COL24A1: variants seen among roughly 807,000 people sequenced by gnomAD.
COL24A1 encodes the protein collagen type XXIV alpha 1 chain, also known as collagen alpha-1(XXIV) chain.
A neutral mutation model predicts 253.9 loss-of-function variants in COL24A1; 224 were observed. The ratio of observed to expected loss-of-function variants is 0.88; its 90% confidence interval spans 0.79 to 0.99. The LOEUF (loss-of-function observed/expected upper bound fraction) is 0.99. COL24A1 is among the 50% of genes least tolerant of loss of function. The pLI, the probability that COL24A1 is intolerant of heterozygous loss-of-function variation, is 0.00. For synonymous variants in COL24A1, 685 were observed against 673.7 expected (o/e 1.02, Z -0.26); for missense variants, 2,131 against 2,068.5 (o/e 1.03, Z -0.59).
rs750117353 is a variant in COL24A1 at position 86,156,382 on chromosome 1, G to T, written c.15C>A (p.Ala5=). 1.2e-6 allele frequency: 2 copies of T among 1,612,654 alleles called. No individual in the cohort carries two copies. The highest frequency in any genetic ancestry group is 1.7e-6 in the Non-Finnish European group (2 of 1,179,420). The change falls in exon 1 of 60, where the codon GCC becomes GCA. Residue 5 remains alanine, a synonymous_variant. Coordinates refer to ENST00000370571, the MANE Select transcript of COL24A1 (RefSeq NM_152890.7). ...AGACTTTTCCACGCCTTGTTCTGTG[G>T]GCTCTTAAATGCATTTGTATGCATT... is the stretch of plus-strand genomic sequence containing the variant. The part of the protein sequence containing the change: MHLR[A]HRTRRGKVSP...
chr1:85,792,991 G>A (rs1670448691), intron 47 of COL24A1, among the ~76,000 whole-genome samples: 1 of 152,070 alleles, frequency 6.6e-6, no homozygotes, highest in Admixed American at 6.6e-5. Flanking sequence ...ACAGACTAAA[G>A]CCATTTCTGT....
chr1:86,033,663 TTA>T (rs199815720), intron 13 of COL24A1, among the ~76,000 whole-genome samples: 1,574 of 151,012 alleles, frequency 0.01, 30 homozygotes, highest in African/African-American at 0.037. Flanking sequence ...AATAATTAAT[TTA>T]AAGATTGAAT....
At chr1:86,077,555 A>G (rs1702340094) in intron 7 of COL24A1, among the ~76,000 whole-genome samples, 1 of 152,192 alleles carries the variant, frequency 6.6e-6, no homozygotes, top group Non-Finnish European at 1.5e-5. Context: ...TTATTGCAGC[A>G]CTATTCACAA....
At chr1:85,786,604 A>G (rs539917920) in intron 47 of COL24A1, 143 bp from the exon 48 acceptor site, 8 of 516,462 alleles carry the variant, frequency 1.5e-5, no homozygotes, top group African/African-American at 1.3e-4. Context: ...TCTTTCCCAG[A>G]AGATGAAATG....
chr1:85,899,158 T>C (rs1160334638), intron 28 of COL24A1, among the ~76,000 whole-genome samples: 1 of 152,194 alleles, frequency 6.6e-6, no homozygotes, highest in African/African-American at 2.4e-5. Context: ...TCTTTTTCTC[T>C]AGCACCTTCA....
chr1:85,737,573 T>G (rs1664186190), intron 57 of COL24A1, 68 bp from the exon 58 acceptor site: 1 of 1,156,452 alleles, frequency 8.6e-7, no homozygotes, highest in East Asian at 2.7e-5. Context: ...TTTCTTTTTT[T>G]TTTTTGAGAG....
At chr1:86,103,834 C>T (rs1316085272) in intron 5 of COL24A1, among the ~76,000 whole-genome samples, 7 of 152,084 alleles carry the variant, frequency 4.6e-5, no homozygotes, top group African/African-American at 1.7e-4. Context: ...TCCTTTCAAC[C>T]TTGGAGAATC....
intron 7 of COL24A1, among the ~76,000 whole-genome samples, chr1:86,081,894 A>G (rs1571860942): frequency 6.6e-6 from 1 of 152,138 alleles, no homozygotes; most frequent in East Asian, 1.9e-4. Context: ...TAATGTTGAG[A>G]ATTATTCTCA....
intron 32 of COL24A1, among the ~76,000 whole-genome samples, chr1:85,879,306 C>T (rs566443046): frequency 2.0e-5 from 3 of 150,842 alleles, no homozygotes; most frequent in East Asian, 1.9e-4. Context: ...TCTAGATTCA[C>T]GTTTTGCATG....
intron 53 of COL24A1, among the ~76,000 whole-genome samples, chr1:85,764,081 G>C (rs1667111469): frequency 6.6e-6 from 1 of 151,808 alleles, no homozygotes; most frequent in South Asian, 2.1e-4. Flanking sequence ...ATGCAATCTT[G>C]ATTTAGCTTC....
chr1:85,787,319 A>C (rs923690141), intron 47 of COL24A1, among the ~76,000 whole-genome samples: 2 of 151,992 alleles, frequency 1.3e-5, no homozygotes, highest in Non-Finnish European at 2.9e-5. Context: ...CTAGGTATTA[A>C]GTCCAGCATG....
chr1:85,760,510 A>G (rs1666746963), intron 55 of COL24A1, among the ~76,000 whole-genome samples: 1 of 152,152 alleles, frequency 6.6e-6, no homozygotes, highest in South Asian at 2.1e-4. Context: ...CCTTGCCCCA[A>G]TGAAAAGCTG....
intron 37 of COL24A1, among the ~76,000 whole-genome samples, chr1:85,854,009 T>G (rs532498029): frequency 2.6e-5 from 4 of 152,220 alleles, no homozygotes; most frequent in Non-Finnish European, 5.9e-5. Flanking sequence ...TGCAATTGCT[T>G]TTGGAATCTT....
chr1:86,022,720 T>G (rs1334405509), intron 16 of COL24A1, 113 bp downstream of exon 16: 2 of 1,247,092 alleles, frequency 1.6e-6, no homozygotes, highest in African/African-American at 3.1e-5. Context: ...CTAATATAAT[T>G]GATACTACAA....
At chr1:86,022,624 T>A (rs773538065) in intron 16 of COL24A1, 33 bp from the exon 17 acceptor site, 1 of 1,592,812 alleles carries the variant, frequency 6.3e-7, no homozygotes, top group African/African-American at 1.3e-5. Flanking sequence ...AAGATACTTA[T>A]GTATCACAAA....
chr1:85,993,732 T>C (rs1243918367), intron 19 of COL24A1, among the ~76,000 whole-genome samples: 1 of 152,016 alleles, frequency 6.6e-6, no homozygotes, highest in Non-Finnish European at 1.5e-5. Context: ...TATACCTCAA[T>C]GAGCCTGTAA....
intron 18 of COL24A1, among the ~76,000 whole-genome samples, chr1:86,020,979 T>A (rs1259329414): frequency 1.3e-5 from 2 of 152,162 alleles, no homozygotes; most frequent in African/African-American, 4.8e-5. Flanking sequence ...ACCACTAACA[T>A]TTCATCGAAT....
chr1:86,063,354 T>C (rs1055306162), intron 8 of COL24A1, among the ~76,000 whole-genome samples: 1 of 142,610 alleles, frequency 7.0e-6, no homozygotes, highest in Non-Finnish European at 1.6e-5. Context: ...ATTAAGTCTC[T>C]CTCTCTGTGT....
intron 24 of COL24A1, among the ~76,000 whole-genome samples, chr1:85,954,134 A>G (rs1323215582): frequency 1.3e-5 from 2 of 152,124 alleles, no homozygotes; most frequent in Non-Finnish European, 2.9e-5. Context: ...CTTGTTTATT[A>G]CTCTTTAATA....
Sources: gnomAD v4.1 joint callset for allele counts (sites outside exome capture counted in the v4.1 genomes callset) on GRCh38, gnomAD v4.1.1 for gene constraint, MANE v1.5 for transcripts, NCBI Gene and HGNC (gene_info 2026-07-23, HGNC 2026-07-21) for gene names.